SPATC1L: variants seen among roughly 807,000 people sequenced by gnomAD.
SPATC1L encodes the protein spermatogenesis and centriole associated 1 like.
Under a neutral mutation model 21.2 loss-of-function variants are expected in SPATC1L, and 20 were observed. The observed-to-expected ratio is 0.94, with a 90% CI of 0.66 to 1.37. SPATC1L has a LOEUF of 1.37. Among genes scored for constraint, SPATC1L ranks in the 40% most tolerant of loss-of-function variants. SPATC1L has a pLI of 0.00. For missense variants in SPATC1L, 499 were observed against 478.7 expected (o/e 1.04, Z -0.40); for synonymous variants, 290 against 234.5 (o/e 1.24, Z -2.16).
chr21:46,178,353 GCT>G (rs2079647924), intron 2 of SPATC1L, among the ~76,000 whole-genome samples: 3 of 151,866 alleles, frequency 2.0e-5, no homozygotes, highest in Admixed American at 2.0e-4. Flanking sequence ...AATGCCACAT[GCT>G]CTTACTTATA....
intron 2 of SPATC1L, among the ~76,000 whole-genome samples, chr21:46,181,712 G>A (rs576388827): frequency 2.0e-5 from 3 of 152,256 alleles, no homozygotes; most frequent in South Asian, 2.1e-4. Context: ...CAGTGTTCAC[G>A]GGCACTGGCG....
At chr21:46,164,941 C>G (rs925770987) in intron 3 of SPATC1L, among the ~76,000 whole-genome samples, 1 of 151,994 alleles carries the variant, frequency 6.6e-6, no homozygotes, top group Non-Finnish European at 1.5e-5. Context: ...CTGTAAGATC[C>G]AGCCAAAAAC....
rs749935979 is a variant in SPATC1L, at chr21:46,168,529, GCT to G, written c.321_322del (p.Ala108ProfsTer17). 4 of 1,533,782 alleles carry G rather than the reference GCT, an allele frequency of 2.6e-6. No homozygotes were observed. Among genetic ancestry groups the G allele is most frequent in the Non-Finnish European group, 3.5e-6 (4 of 1,132,940 alleles). ...GGCCTTGAAGGGTGCCTGGGAGGGG[GCT>G]GCACAGCCCGGGGAGGTGTCGTCCT... On this transcript the variant is annotated frameshift_variant, in exon 3 of 5. Transcript: ENST00000291672. LOFTEE classifies it high-confidence loss of function.
intron 2 of SPATC1L, among the ~76,000 whole-genome samples, chr21:46,178,513 T>G (rs2079648953): frequency 6.6e-6 from 1 of 152,180 alleles, no homozygotes; most frequent in Non-Finnish European, 1.5e-5. Context: ...CAAAATAATC[T>G]GTACAACAAA....
At chr21:46,169,289 GT>G (rs1343490835) in intron 2 of SPATC1L, among the ~76,000 whole-genome samples, 3 of 128,814 alleles carry the variant, frequency 2.3e-5, no homozygotes, top group Admixed American at 2.3e-4. Flanking sequence ...CCCCTGCTCT[GT>G]GAACATCCTC....
intron 2 of SPATC1L, among the ~76,000 whole-genome samples, chr21:46,181,722 G>T (rs911693939): frequency 1.3e-5 from 2 of 152,160 alleles, no homozygotes; most frequent in African/African-American, 4.8e-5. Flanking sequence ...GGGCACTGGC[G>T]AGGCTGCCTG....
intron 2 of SPATC1L, among the ~76,000 whole-genome samples, chr21:46,174,332 C>CAAAAAAAAAAAAAAAAAAAAAA: frequency 2.9e-5 from 1 of 34,246 alleles, no homozygotes; most frequent in African/African-American, 9.4e-5. Flanking sequence ...GACTCTGTCT[C>CAAAAAAAAAAAAAAAAAAAAAA]AAAAAACAAA....
chr21:46,181,026 C>T (rs1178350664), intron 2 of SPATC1L, among the ~76,000 whole-genome samples: 1 of 152,250 alleles, frequency 6.6e-6, no homozygotes, highest in East Asian at 1.9e-4. Flanking sequence ...CTGCCCCTCT[C>T]CTGCCAGGGG....
intron 2 of SPATC1L, among the ~76,000 whole-genome samples, chr21:46,169,268 TGAG>T (rs1466816395): frequency 7.9e-6 from 1 of 127,016 alleles, no homozygotes; most frequent in African/African-American, 2.5e-5. Context: ...CCTCTGTGGA[TGAG>T]GAGGAGCCCC....
At chr21:46,176,863 A>G (rs1289686499) in intron 2 of SPATC1L, among the ~76,000 whole-genome samples, 2 of 152,206 alleles carry the variant, frequency 1.3e-5, no homozygotes, top group Non-Finnish European at 2.9e-5. Context: ...GAGGCATCAC[A>G]CTACCCAACT....
rs1166014816 is a variant in SPATC1L, at chr21:46,168,752, C to A, written c.194-94G>T. 12 of 785,700 alleles carry A rather than the reference C, an allele frequency of 1.5e-5. No individual in the cohort carries two copies. The Admixed American group carries it at 4.7e-4, about 31-fold the overall frequency. 48.7% of individuals were successfully genotyped at this position (785,700 alleles called of 1,614,324 possible). On this transcript the variant is annotated intron_variant, in intron 2 of 4. Coordinates refer to ENST00000291672, the MANE Select transcript of SPATC1L (RefSeq NM_001142854.2). The stretch of plus-strand genomic sequence containing the variant: ...AACATGTTAACAACCCCTATGCACC[C>A]CACCCCAAGCTTCAACACCTGCCGG...
chr21:46,162,647 C>T (rs907198430), intron 3 of SPATC1L, among the ~76,000 whole-genome samples: 1 of 141,634 alleles, frequency 7.1e-6, no homozygotes, highest in African/African-American at 2.7e-5. Context: ...AGTGCAGTGG[C>T]GCCATCTCCA....
rs373265968 is a variant in SPATC1L at position 46,168,465 on chromosome 21, G to A, written c.387C>T (p.Thr129=). The A allele has an allele frequency of 4.0e-5, 63 of 1,588,302 alleles. No homozygotes were observed. Among genetic ancestry groups the A allele is most frequent in the African/African-American group, 2.3e-4 (17 of 74,288 alleles). ...SPPEPHSHRG[T]DRKLSPLLSP... ...TCAGGAGCGGGGACAGCTTCCTGTCGGTGCCTCGGTGGCTATGTGGCTCTG... is the reference window on the plus strand; with the variant it reads ...TCAGGAGCGGGGACAGCTTCCTGTCAGTGCCTCGGTGGCTATGTGGCTCTG... The change falls in exon 3 of 5, where the codon ACC becomes ACT. Residue 129 remains threonine (T), a synonymous_variant. Transcript: ENST00000291672.
chr21:46,163,503 T>C (rs1285011913), intron 3 of SPATC1L, among the ~76,000 whole-genome samples: 1 of 152,232 alleles, frequency 6.6e-6, no homozygotes, highest in African/African-American at 2.4e-5. Context: ...AGGTCTTTGA[T>C]CCATTTTGAG....
chr21:46,179,903 T>C (rs1039226621), intron 2 of SPATC1L, among the ~76,000 whole-genome samples: 2 of 152,228 alleles, frequency 1.3e-5, no homozygotes, highest in African/African-American at 2.4e-5. Context: ...CCTGGAGACC[T>C]CGCTCCCCAG....
At chr21:46,165,479 C>T (rs561760521) in intron 3 of SPATC1L, among the ~76,000 whole-genome samples, 1 of 152,172 alleles carries the variant, frequency 6.6e-6, no homozygotes, top group South Asian at 2.1e-4. Flanking sequence ...CTGTGTTGTA[C>T]CCTCCAAAGA....
At chr21:46,178,026 G>A (rs550006495) in intron 2 of SPATC1L, among the ~76,000 whole-genome samples, 9 of 152,248 alleles carry the variant, frequency 5.9e-5, no homozygotes, top group Admixed American at 4.6e-4. Flanking sequence ...CTGAGGTCAG[G>A]AGTTCGAGAC....
intron 3 of SPATC1L, among the ~76,000 whole-genome samples, chr21:46,164,454 C>T (rs960142677): frequency 3.3e-5 from 5 of 152,124 alleles, no homozygotes; most frequent in East Asian, 1.9e-4. Context: ...TGTGGAAGAG[C>T]AGGTGTAATC....
rs1218426623 is a variant in SPATC1L at position 46,183,172 on chromosome 21, G to A, written c.-356C>T. 1 of 290,046 alleles carries A rather than the reference G, an allele frequency of 3.4e-6. No individual in the cohort carries two copies. The highest frequency in any genetic ancestry group is 6.6e-5 in the East Asian group (1 of 15,128). The allele number at this position is 290,046 out of a possible 1,614,324, so 18.0% of individuals were successfully genotyped here. A position where few individuals can be genotyped will look rare whatever the true frequency, so the allele number is the denominator to read the frequency against. Reference sequence around the variant, plus strand: ...ACTCCCCATTGAGCGGCCCAGCCAGGGTCGGGTGTCCACCCTGTGTGGTGT... The same window carrying A: ...ACTCCCCATTGAGCGGCCCAGCCAGAGTCGGGTGTCCACCCTGTGTGGTGT... On this transcript the variant is annotated 5_prime_UTR_variant, in exon 2 of 5. Transcript: ENST00000291672.
Sources: gnomAD v4.1 joint callset for allele counts (sites outside exome capture counted in the v4.1 genomes callset) on GRCh38, gnomAD v4.1.1 for gene constraint, MANE v1.5 for transcripts, NCBI Gene and HGNC (gene_info 2026-07-23, HGNC 2026-07-21) for gene names.